ZFHX3: variants seen among roughly 807,000 people sequenced by gnomAD.
ZFHX3 encodes the protein zinc finger homeobox 3.
ZFHX3 carries 42 observed loss-of-function variants against 279.1 expected under a neutral mutation model. The ratio of observed to expected loss-of-function variants is 0.15; its 90% CI spans 0.12 to 0.19. The LOEUF (loss-of-function observed/expected upper bound fraction) is 0.19, where lower values mean the gene tolerates loss of function less well. Ranked by LOEUF, ZFHX3 falls within the 10% of genes least tolerant of loss-of-function variation. ZFHX3 has a pLI of 1.00. For synonymous variants in ZFHX3, 2,293 were observed against 1,957.8 expected, an observed-to-expected ratio of 1.17 and a Z score of -4.52; for missense variants, 4,981 against 4,754.0, an observed-to-expected ratio of 1.05 and a Z score of -1.40.
chr16:73,293,081 T>C (rs2014814731), intron 4 of ZFHX3, among the ~76,000 whole-genome samples: 1 of 152,114 alleles, frequency 6.6e-6, no homozygotes, highest in African/African-American at 2.4e-5. Flanking sequence ...AGAACCACCT[T>C]CAAACCCGGC....
At chr16:73,247,692 G>T (rs909830856) in intron 5 of ZFHX3, among the ~76,000 whole-genome samples, 8 of 151,450 alleles carry the variant, frequency 5.3e-5, no homozygotes, top group Non-Finnish European at 1.2e-4. Flanking sequence ...CGGAGTATAC[G>T]TGTGTGTGTA....
chr16:73,865,307 G>C (rs1404633500), intron 1 of ZFHX3, among the ~76,000 whole-genome samples: 1 of 152,180 alleles, frequency 6.6e-6, no homozygotes, highest in South Asian at 2.1e-4. Context: ...GAAAGGCCTG[G>C]AATCTATGCA....
chr16:72,825,775 T>C (rs992693360), intron 5 of ZFHX3, among the ~76,000 whole-genome samples: 1 of 152,250 alleles, frequency 6.6e-6, no homozygotes, highest in African/African-American at 2.4e-5. Flanking sequence ...GCTGCACATG[T>C]GGCTACTTAA....
chr16:73,547,011 T>A (rs2020127046), intron 2 of ZFHX3, among the ~76,000 whole-genome samples: 1 of 151,944 alleles, frequency 6.6e-6, no homozygotes, highest in South Asian at 2.1e-4. Context: ...TAATAACATA[T>A]CCAACGTTGC....
intron 4 of ZFHX3, among the ~76,000 whole-genome samples, chr16:73,274,687 T>C (rs2014244237): frequency 6.6e-6 from 1 of 152,222 alleles, no homozygotes; most frequent in Admixed American, 6.5e-5. Flanking sequence ...ACCAAATTGC[T>C]TTAATTATTG....
Position 72,788,242 on chromosome 16 carries a change from C to G in ZFHX3, c.10034G>C (p.Ser3345Thr). The G allele has an allele frequency of 6.2e-7, 1 of 1,614,104 alleles. No individual in the cohort carries two copies. The change falls in exon 10 of 10, where the codon AGC becomes ACC. Residue 3345 changes from serine to threonine, a missense_variant. Ser to Thr is a moderately conservative substitution (Grantham distance 58). This residue lies in a region of ZFHX3 where 1,034 missense variants were observed against 786.0 expected (regional missense o/e 1.32). Coordinates refer to ENST00000268489, the MANE Select transcript of ZFHX3 (RefSeq NM_006885.4). The part of the protein sequence containing the change: ...MYGMEGLFPY[S>T]PALSQALMGL... ...CATCAGGGCCTGCGACAGTGCAGGG[C>G]TGTAGGGGAACAGGCCTTCCATGCC...
exon 7 of ZFHX3, chr16:73,130,995 A>G (rs761654119): frequency 1.5e-6 from 2 of 1,305,306 alleles, no homozygotes; most frequent in South Asian, 2.5e-5. Flanking sequence ...TTTGTGCCTG[A>G]GCTGGTGGCG....
At chr16:72,999,912 G>A (rs1963432768) in intron 1 of ZFHX3, among the ~76,000 whole-genome samples, 2 of 152,234 alleles carry the variant, frequency 1.3e-5, no homozygotes, top group Admixed American at 1.3e-4. Context: ...TCAGCTCTAA[G>A]AGCAGGGCAA....
At chr16:73,105,430 T>TAC (rs1966289555) in intron 7 of ZFHX3, among the ~76,000 whole-genome samples, 1 of 107,342 alleles carries the variant, frequency 9.3e-6, no homozygotes, top group African/African-American at 5.3e-5. Flanking sequence ...TATATATATA[T>TAC]ATACACACAC....
At chr16:73,866,984 T>C (rs574124141) in intron 1 of ZFHX3, among the ~76,000 whole-genome samples, 99 of 152,212 alleles carry the variant, frequency 6.5e-4, no homozygotes, top group Non-Finnish European at 9.6e-4. Flanking sequence ...CTGAGGGCAT[T>C]CAATTTCTGG....
chr16:73,756,600 C>T (rs1305189924), intron 1 of ZFHX3, among the ~76,000 whole-genome samples: 1 of 152,130 alleles, frequency 6.6e-6, no homozygotes, highest in African/African-American at 2.4e-5. Flanking sequence ...CCAGGTGCAA[C>T]CCCTCGGCTG....
chr16:73,606,686 T>C (rs2052187203), intron 2 of ZFHX3, among the ~76,000 whole-genome samples: 1 of 152,172 alleles, frequency 6.6e-6, no homozygotes, highest in Non-Finnish European at 1.5e-5. Context: ...ACCTAGGTAT[T>C]ACGCCCAGCA....
chr16:72,945,164 T>G (rs12599412), intron 3 of ZFHX3, among the ~76,000 whole-genome samples: 1 of 151,940 alleles, frequency 6.6e-6, no homozygotes, highest in African/African-American at 2.4e-5. Flanking sequence ...TGAAGATAGG[T>G]GGGAAGCTTC....
At chr16:73,482,809 C>G (rs1384937224) in intron 2 of ZFHX3, among the ~76,000 whole-genome samples, 8 of 152,224 alleles carry the variant, frequency 5.3e-5, no homozygotes, top group Non-Finnish European at 1.0e-4. Flanking sequence ...TTGCAAACCT[C>G]TAATGTGAAC....
intron 1 of ZFHX3, among the ~76,000 whole-genome samples, chr16:73,710,713 C>T (rs1372062794): frequency 2.0e-5 from 3 of 152,172 alleles, no homozygotes; most frequent in African/African-American, 4.8e-5. Flanking sequence ...CTCACAGCCG[C>T]TGTGTCCTGC....
intron 7 of ZFHX3, among the ~76,000 whole-genome samples, chr16:73,103,761 A>G (rs1034839959): frequency 2.0e-5 from 3 of 152,176 alleles, no homozygotes; most frequent in East Asian, 3.9e-4. Context: ...ATGCCTGTCC[A>G]TCTGGAGACC....
intron 3 of ZFHX3, among the ~76,000 whole-genome samples, chr16:73,333,427 T>C (rs2015844656): frequency 1.3e-5 from 2 of 151,610 alleles, no homozygotes; most frequent in Non-Finnish European, 2.9e-5. Flanking sequence ...GATAGACACA[T>C]AAATAGGTAG....
At chr16:73,547,757 T>A (rs768125184) in intron 2 of ZFHX3, among the ~76,000 whole-genome samples, 8 of 152,164 alleles carry the variant, frequency 5.3e-5, no homozygotes, top group Non-Finnish European at 8.8e-5. Flanking sequence ...CAGTGACACA[T>A]CCTGGCTCCC....
chr16:72,845,427 G>A (rs898486392), intron 4 of ZFHX3, among the ~76,000 whole-genome samples: 5 of 152,110 alleles, frequency 3.3e-5, no homozygotes, highest in South Asian at 2.1e-4. Context: ...TGAAGTCATC[G>A]CATGCACAGG....
Sources: gnomAD v4.1 joint callset for allele counts (sites outside exome capture counted in the v4.1 genomes callset) on GRCh38, gnomAD v4.1.1 for gene constraint, gnomAD v4.1.1 regional missense constraint, MANE v1.5 for transcripts, NCBI Gene and HGNC (gene_info 2026-07-23, HGNC 2026-07-21) for gene names.